ATP10B: variants seen among roughly 807,000 people sequenced by gnomAD.
ATP10B encodes the protein phospholipid-transporting ATPase VB.
In ATP10B, 122 loss-of-function variants were observed where a neutral mutation model predicts 141.2. The observed-to-expected ratio is 0.86, with a 90% CI of 0.75 to 1.00. The LOEUF (loss-of-function observed/expected upper bound fraction) is 1.00. ATP10B is among the 50% of genes least tolerant of loss of function. The pLI, the probability that ATP10B is intolerant of heterozygous loss-of-function variation, is 0.00. For missense variants in ATP10B, 1,876 were observed against 1,825.3 expected (o/e 1.03, Z -0.51); for synonymous variants, 685 against 692.0 (o/e 0.99, Z 0.16).
At chr5:160,657,834 G>GGCAGA (rs1255252164) in intron 7 of ATP10B, among the ~76,000 whole-genome samples, 1 of 152,146 alleles carries the variant, frequency 6.6e-6, no homozygotes, top group Non-Finnish European at 1.5e-5. Flanking sequence ...TACAGCATCC[G>GGCAGA]GCAGATAGAA....
chr5:160,766,611 G>A (rs1286775238), intron 2 of ATP10B, among the ~76,000 whole-genome samples: 1 of 152,162 alleles, frequency 6.6e-6, no homozygotes, highest in Non-Finnish European at 1.5e-5. Context: ...GGAGGGAGAT[G>A]AGGGATAAAG....
At chr5:160,903,707 C>T in the ATP10B span, among the ~76,000 whole-genome samples, 4 of 152,160 alleles carry the variant, frequency 2.6e-5, no homozygotes, top group African/African-American at 9.7e-5. Context: ...GACAAAAATG[C>T]AGCACAGCTA....
At chr5:160,883,753 A>G in the ATP10B span, among the ~76,000 whole-genome samples, 3 of 152,294 alleles carry the variant, frequency 2.0e-5, no homozygotes, top group South Asian at 6.2e-4. Flanking sequence ...GCAAAAAGAA[A>G]AGGAAACTAT....
At chr5:160,694,122 G>T (rs1191777111) in intron 3 of ATP10B, among the ~76,000 whole-genome samples, 4 of 152,190 alleles carry the variant, frequency 2.6e-5, no homozygotes, top group Non-Finnish European at 5.9e-5. Context: ...ACATAAGGGT[G>T]GGCTGGAGGG....
At chr5:160,811,740 C>A (rs1414348762) in intron 1 of ATP10B, among the ~76,000 whole-genome samples, 1 of 152,172 alleles carries the variant, frequency 6.6e-6, no homozygotes, top group African/African-American at 2.4e-5. Context: ...CAGACAGTAT[C>A]TCTGGACCCA....
At chr5:160,613,169 C>T (rs902534354) in intron 17 of ATP10B, among the ~76,000 whole-genome samples, 1 of 152,148 alleles carries the variant, frequency 6.6e-6, no homozygotes, top group Non-Finnish European at 1.5e-5. Context: ...CGAATATACA[C>T]CAGGAGACCT....
intron 10 of ATP10B, among the ~76,000 whole-genome samples, chr5:160,637,945 C>G (rs1035579711): frequency 6.6e-6 from 1 of 152,086 alleles, no homozygotes; most frequent in Non-Finnish European, 1.5e-5. Flanking sequence ...GGCCACTGGC[C>G]TTTAAGGGAA....
At chr5:160,753,256 C>G (rs4921323) in intron 2 of ATP10B, among the ~76,000 whole-genome samples, 86,453 of 151,952 alleles carry the variant, frequency 0.57, 24,877 homozygotes, top group Admixed American at 0.64. Flanking sequence ...ACCATGGGTG[C>G]AACTCAGTAT....
chr5:160,606,652 A>C, intron 19 of ATP10B, 113 bp downstream of exon 19: 5 of 1,054,778 alleles, frequency 4.7e-6, no homozygotes, highest in Non-Finnish European at 2.8e-6. Context: ...CTCTAAGACA[A>C]TGACTCACAG....
At chr5:160,660,011 C>G (rs1761803440) in intron 7 of ATP10B, among the ~76,000 whole-genome samples, 1 of 152,060 alleles carries the variant, frequency 6.6e-6, no homozygotes, top group African/African-American at 2.4e-5. Context: ...AAATTTCAAC[C>G]TCATAGAATT....
chr5:160,660,412 A>C (rs915526248), intron 7 of ATP10B, among the ~76,000 whole-genome samples: 6 of 152,248 alleles, frequency 3.9e-5, no homozygotes, highest in African/African-American at 1.4e-4. Context: ...TTGATTTGAC[A>C]TATGTCAGAT....
At chr5:160,750,867 G>A (rs943196023) in intron 2 of ATP10B, among the ~76,000 whole-genome samples, 1 of 152,164 alleles carries the variant, frequency 6.6e-6, no homozygotes, top group Non-Finnish European at 1.5e-5. Flanking sequence ...TCACTTCTCA[G>A]GGCCTCTGCA....
In ATP10B at chr5:160,756,587, T is replaced by C. The variant is rs78691292; in HGVS notation, c.-331+28972A>G. Among the ~76,000 whole-genome samples, 251 of 152,308 alleles carry C rather than the reference T, an allele frequency of 1.6e-3. 1 individual carries two copies. The East Asian group carries it at 0.033, about 20-fold the overall frequency. On this transcript the variant is annotated intron_variant, in intron 2 of 25. Transcript: ENST00000327245. ...TCTAGTGGGTTGTAGTGATATTTCA[T>C]TGTGGTTCCAATTTTCATTTCCTTA...
intron 7 of ATP10B, among the ~76,000 whole-genome samples, chr5:160,668,255 A>T (rs942298732): frequency 3.3e-5 from 5 of 151,668 alleles, no homozygotes; most frequent in Non-Finnish European, 5.9e-5. Context: ...AAGGTAGAAT[A>T]GCATAGAAAG....
intron 1 of ATP10B, among the ~76,000 whole-genome samples, chr5:160,836,221 A>G (rs994437286): frequency 1.3e-5 from 2 of 152,154 alleles, no homozygotes; most frequent in African/African-American, 4.8e-5. Flanking sequence ...ACAAAATTGC[A>G]CTTGTACCCC....
At chr5:160,783,562 T>TACACACACACAC (rs57796332) in intron 2 of ATP10B, among the ~76,000 whole-genome samples, 30 of 131,314 alleles carry the variant, frequency 2.3e-4, no homozygotes, top group Middle Eastern at 3.8e-3. Context: ...ATATATATGA[T>TACACACACACAC]ACACACACAC....
At chr5:160,665,677 T>C (rs1299565656) in intron 7 of ATP10B, among the ~76,000 whole-genome samples, 1 of 152,208 alleles carries the variant, frequency 6.6e-6, no homozygotes, top group Non-Finnish European at 1.5e-5. Flanking sequence ...CTTAGCAGAC[T>C]GTGAGAAATG....
intron 1 of ATP10B, among the ~76,000 whole-genome samples, chr5:160,798,716 C>T (rs951047486): frequency 8.0e-5 from 12 of 150,280 alleles, no homozygotes; most frequent in Non-Finnish European, 1.3e-4. Context: ...GAAACTAATA[C>T]ATGGGTCAAG....
intron 2 of ATP10B, among the ~76,000 whole-genome samples, chr5:160,757,716 G>A (rs893544462): frequency 6.6e-6 from 1 of 152,112 alleles, no homozygotes; most frequent in Non-Finnish European, 1.5e-5. Context: ...TGGTGGAGGT[G>A]TTAGATGTAT....
Sources: allele counts gnomAD v4.1 joint callset (sites outside exome capture counted in the v4.1 genomes callset), GRCh38; gene constraint gnomAD v4.1.1; transcripts MANE v1.5; gene names NCBI Gene and HGNC (gene_info 2026-07-23, HGNC 2026-07-21).